The following NBPF9 variants were observed in gnomAD, a reference collection of about 807,000 sequenced individuals.
NBPF9 encodes NBPF family member NBPF9.
Under a neutral mutation model 97.8 loss-of-function variants are expected in NBPF9, and 91 were observed. The ratio of observed to expected loss-of-function variants is 0.93; its 90% confidence interval spans 0.79 to 1.11. The LOEUF (loss-of-function observed/expected upper bound fraction) is 1.11. Among genes scored for constraint, NBPF9 ranks in the 50% least tolerant of loss-of-function variants. The pLI is 0.00. For synonymous variants in NBPF9, 334 were observed against 359.5 expected (o/e 0.93, Z 0.80); for missense variants, 992 against 939.5 (o/e 1.06, Z -0.73).
intron 11 of NBPF9, among the ~76,000 whole-genome samples, chr1:149,076,666 C>T (rs1169795942): frequency 7.0e-6 from 1 of 142,506 alleles, no homozygotes; most frequent in Non-Finnish European, 1.6e-5. Flanking sequence ...CCACGCCCAG[C>T]TATTTTTTTT....
intron 5 of NBPF9, among the ~76,000 whole-genome samples, chr1:149,088,209 T>G (rs1436522050): frequency 6.6e-6 from 1 of 152,286 alleles, no homozygotes; most frequent in African/African-American, 2.4e-5. Context: ...ATTTTCCAAA[T>G]GCTCATTGCT....
chr1:149,068,953 T>TC (rs1177154929), intron 17 of NBPF9, among the ~76,000 whole-genome samples: 1 of 151,888 alleles, frequency 6.6e-6, no homozygotes, highest in Non-Finnish European at 1.5e-5. Flanking sequence ...AAATTAGAAC[T>TC]CAGGATTAAG....
intron 7 of NBPF9, among the ~76,000 whole-genome samples, chr1:149,080,921 AG>A (rs1335917472): frequency 1.3e-5 from 2 of 151,756 alleles, no homozygotes; most frequent in Non-Finnish European, 2.9e-5. Flanking sequence ...GAGGAAACTG[AG>A]GGACAGACAA....
At chr1:149,061,529 A>T in intron 22 of NBPF9, 146 bp from the exon 23 acceptor site, 1 of 448,630 alleles carries the variant, frequency 2.2e-6, no homozygotes, top group Non-Finnish European at 4.1e-6. Flanking sequence ...GAAGCCTGAA[A>T]GCTGGTCATG....
intron 24 of NBPF9, chr1:149,060,085 T>A (rs1238344893): frequency 3.4e-6 from 1 of 294,528 alleles, no homozygotes; most frequent in African/African-American, 3.1e-5. Flanking sequence ...ATTTTTCCAA[T>A]CAATTTAAAG....
At chr1:149,088,119 CG>C (rs2081163872) in intron 5 of NBPF9, among the ~76,000 whole-genome samples, 1 of 152,252 alleles carries the variant, frequency 6.6e-6, no homozygotes, top group African/African-American at 2.4e-5. Flanking sequence ...GTGTGAGCCA[CG>C]GTGCCCAGTC....
intron 28 of NBPF9, 73 bp from the exon 29 acceptor site, chr1:149,056,693 C>A: frequency 7.3e-5 from 2 of 27,240 alleles, no homozygotes; most frequent in South Asian, 2.5e-4. Context: ...ACTGTCTAAT[C>A]CTCACACAGG....
chr1:149,068,928 G>A (rs1445499939), intron 17 of NBPF9, among the ~76,000 whole-genome samples: 1 of 151,650 alleles, frequency 6.6e-6, no homozygotes, highest in Non-Finnish European at 1.5e-5. Flanking sequence ...CAAACTGTCA[G>A]ACCACAGTGC....
intron 5 of NBPF9, among the ~76,000 whole-genome samples, chr1:149,088,839 G>A: frequency 6.6e-6 from 1 of 151,924 alleles, no homozygotes; most frequent in East Asian, 1.9e-4. Context: ...TTCCCCAAGG[G>A]ATCCAATCTC....
At position 149,062,858 on chromosome 1, in the gene NBPF9, T is replaced by C; in HGVS notation, c.2078+4A>G. 1.5e-6 allele frequency: 1 copy of C among 671,486 alleles called. No homozygotes were observed. Among genetic ancestry groups the C allele is most frequent in the Non-Finnish European group, 2.6e-6 (1 of 378,736 alleles). 41.6% of individuals were successfully genotyped at this position (671,486 alleles called of 1,614,324 possible). A position where few individuals can be genotyped will look rare whatever the true frequency, so the allele number is the denominator to read the frequency against. The stretch of plus-strand genomic sequence containing the variant: ...ATTAAGCATCCATAATTGCTCAAAG[T>C]TACCTGGGGCATGATGGGTCTTGGT... On this transcript the variant is annotated splice_donor_region_variant and intron_variant, in intron 21 of 29. Transcript: ENST00000584027.
rs1290329519 is a variant in NBPF9, at chr1:149,082,132, A to G, written c.8T>C (p.Val3Ala). 8.1e-6 allele frequency: 13 copies of G among 1,611,832 alleles called. No individual in the cohort carries two copies. The African/African-American group carries it at 1.7e-4, about 22-fold the overall frequency. ...CTCGCTGGACCAAGGGCCGGCTGAT[A>G]CCACCATGCTGACGTTTGTGGCAGA... The change falls in exon 7 of 30, where the codon GTA (valine) becomes GCA (alanine). Residue 3 changes from valine (V) to alanine (A), a missense_variant. Transcript: ENST00000584027.
rs2078586805 is a variant in NBPF9 at position 149,061,395 on chromosome 1, T to A, written c.2252-12A>T. 5.2e-6 allele frequency: 2 copies of A among 385,456 alleles called. No individual in the cohort carries two copies. Among genetic ancestry groups the A allele is most frequent in the Non-Finnish European group, 9.3e-6 (2 of 216,160 alleles). The allele number at this position is 385,456 out of a possible 1,614,324, so 23.9% of individuals were successfully genotyped here. ...GTCCTTTTTAATTCCTGCAATACAT[T>A]CAGACAGGGACAGACAAAATAAGCC... is the stretch of plus-strand genomic sequence containing the variant. On this transcript the variant is annotated splice_polypyrimidine_tract_variant and intron_variant, in intron 22 of 29. Coordinates refer to ENST00000584027, the Ensembl canonical transcript of NBPF9.
chr1:149,079,338 G>A (rs868935480), intron 8 of NBPF9, 117 bp from the exon 9 acceptor site: 27 of 1,126,742 alleles, frequency 2.4e-5, no homozygotes, highest in Non-Finnish European at 3.6e-5. Flanking sequence ...CAGAAGGTCA[G>A]CACATGTTGA....
intron 4 of NBPF9, among the ~76,000 whole-genome samples, chr1:149,093,342 C>G (rs1297799106): frequency 1.3e-5 from 2 of 151,892 alleles, no homozygotes; most frequent in Non-Finnish European, 1.5e-5. Context: ...TACCCAGGGA[C>G]GAGCAGGAGA....
At chr1:149,070,111 A>G (rs1342370986) in intron 16 of NBPF9, among the ~76,000 whole-genome samples, 12 of 139,572 alleles carry the variant, frequency 8.6e-5, no homozygotes, top group African/African-American at 3.3e-4. Context: ...ATTTGAGGTC[A>G]TGAGTTCAGG....
chr1:149,060,014 A>G lies in NBPF9; in HGVS notation c.2477-206T>C, dbSNP rs1559518131. On this transcript the variant is annotated intron_variant, in intron 24 of 29. Coordinates refer to ENST00000584027, the Ensembl canonical transcript of NBPF9. ...CAGAAACTGTGGGTAAAATGTCCCTATTCTAGTAGATCGTTATCCCAATAT... is the reference window on the plus strand; with the variant it reads ...CAGAAACTGTGGGTAAAATGTCCCTGTTCTAGTAGATCGTTATCCCAATAT... 32 of 373,178 alleles carry G rather than the reference A, an allele frequency of 8.6e-5. 8 individuals carry two copies. The highest frequency in any genetic ancestry group is 1.0e-4 in the Non-Finnish European group (21 of 205,390). 23.1% of individuals were successfully genotyped at this position (373,178 alleles called of 1,614,324 possible).
intron 7 of NBPF9, among the ~76,000 whole-genome samples, chr1:149,081,676 A>G (rs2080460466): frequency 6.9e-6 from 1 of 144,966 alleles, no homozygotes; most frequent in African/African-American, 2.6e-5. Context: ...ATTCTTGAAA[A>G]CATGATTGAG....
At chr1:149,081,448 T>C (rs1218753392) in intron 7 of NBPF9, among the ~76,000 whole-genome samples, 1 of 149,654 alleles carries the variant, frequency 6.7e-6, no homozygotes, top group African/African-American at 2.5e-5. Context: ...CTGTCACTTA[T>C]AGGTAGCACA....
In NBPF9 at chr1:149,078,994, A is replaced by G. The variant is rs782518143; in HGVS notation, c.493+13T>C. ...CTGGGGTTTTGGGTCATCAGGGCCT[A>G]TGGCCACCTTACCTGGGCTGAGCTT... On this transcript the variant is annotated intron_variant, in intron 9 of 29. Transcript: ENST00000584027. 6 of 1,255,908 alleles carry G rather than the reference A, an allele frequency of 4.8e-6. No individual in the cohort carries two copies. Among genetic ancestry groups the G allele is most frequent in the Non-Finnish European group, 4.6e-6 (4 of 872,050 alleles). The allele number at this position is 1,255,908 out of a possible 1,614,324, so 77.8% of individuals were successfully genotyped here. A position where few individuals can be genotyped will look rare whatever the true frequency, so the allele number is the denominator to read the frequency against.
Sources: gnomAD v4.1 joint callset for allele counts (sites outside exome capture counted in the v4.1 genomes callset) on GRCh38, gnomAD v4.1.1 for gene constraint, MANE v1.5 for transcripts, NCBI Gene and HGNC (gene_info 2026-07-23, HGNC 2026-07-21) for gene names.